Variants in CSGALNACT1 observed in about 807,000 individuals in gnomAD.
CSGALNACT1 encodes the protein chondroitin sulfate N-acetylgalactosaminyltransferase 1, also known as beta4GalNAcT-1.
In CSGALNACT1, 52 loss-of-function variants were observed where a neutral mutation model predicts 51.0. That is an observed-to-expected ratio of 1.02 (90% CI 0.82 to 1.29). CSGALNACT1 has a LOEUF of 1.29. Ranked by LOEUF, CSGALNACT1 falls within the 50% of genes most tolerant of loss-of-function variation. The pLI is 0.00. For synonymous variants in CSGALNACT1, 341 were observed against 254.4 expected (o/e 1.34, Z -3.24); for missense variants, 935 against 679.2 (o/e 1.38, Z -4.19).
upstream of CSGALNACT1, chr8:19,602,857 G>C (rs1296865643): frequency 6.6e-6 from 1 of 151,984 alleles, no homozygotes; most frequent in African/African-American, 2.4e-5. Context: ...TGTCAATAAT[G>C]TTGTCTTCAA....
chr8:19,573,106 C>T (rs1208527808), intron 3 of CSGALNACT1, among the ~76,000 whole-genome samples: 1 of 152,288 alleles, frequency 6.6e-6, no homozygotes, highest in Non-Finnish European at 1.5e-5. Context: ...GGATACACTC[C>T]CATGGCGGTA....
rs114371079 is a variant in CSGALNACT1 at position 19,612,588 on chromosome 8, G to A, written c.-543-10723C>T. Among the ~76,000 whole-genome samples the A allele has an allele frequency of 8.9e-3, 1,360 of 152,016 alleles. 22 individuals are homozygous for A. Among genetic ancestry groups the A allele is most frequent in the African/African-American group, 0.031 (1,271 of 41,450 alleles). On this transcript the variant is annotated intron_variant, in intron 1 of 9. Coordinates refer to the CSGALNACT1 transcript ENST00000332246. ...TAGGCACTCTAACCATCTTTTTCAC[G>A]TGATAAGCACGCAAGAGTTAATTTG...
intron 9 of CSGALNACT1, among the ~76,000 whole-genome samples, chr8:19,407,512 C>G (rs1160780509): frequency 2.0e-5 from 3 of 152,178 alleles, no homozygotes; most frequent in Non-Finnish European, 2.9e-5. Context: ...GCAACTCTAT[C>G]TCTTTCGAGA....
upstream of CSGALNACT1, chr8:19,682,953 T>C (rs1399051938): frequency 3.3e-6 from 1 of 306,204 alleles, no homozygotes; most frequent in Non-Finnish European, 6.6e-6. Context: ...GCTAGTTCAC[T>C]TCGCTGCAGT....
chr8:19,474,869 G>GAAAAAAAAA (rs10683237), intron 4 of CSGALNACT1, among the ~76,000 whole-genome samples: 8 of 86,160 alleles, frequency 9.3e-5, no homozygotes, highest in Admixed American at 1.7e-4. Context: ...CTCTGTCTCA[G>GAAAAAAAAA]AAAAAAAAAA....
At chr8:19,739,613 A>G (rs36082703) in intron 1 of CSGALNACT1, among the ~76,000 whole-genome samples, 219 of 152,342 alleles carry the variant, frequency 1.4e-3, no homozygotes, top group Middle Eastern at 6.8e-3. Flanking sequence ...TAGGTGGGGC[A>G]TCCCAAAAGT....
chr8:19,748,488 C>T (rs1409900115), intron 1 of CSGALNACT1, among the ~76,000 whole-genome samples: 4 of 152,208 alleles, frequency 2.6e-5, no homozygotes, highest in Middle Eastern at 3.2e-3. Flanking sequence ...CTTCCCAATG[C>T]TCCTTGACAC....
intron 4 of CSGALNACT1, among the ~76,000 whole-genome samples, chr8:19,495,597 A>C (rs1200960396): frequency 1.3e-5 from 2 of 152,192 alleles, no homozygotes; most frequent in African/African-American, 4.8e-5. Context: ...CTAAGTCACT[A>C]CTGATGGGTC....
chr8:19,650,115 T>C (rs1302571647), intron 1 of CSGALNACT1, among the ~76,000 whole-genome samples: 1 of 152,104 alleles, frequency 6.6e-6, no homozygotes, highest in Non-Finnish European at 1.5e-5. Flanking sequence ...TGCTCTGGGG[T>C]GAGACTCAGA....
intron 1 of CSGALNACT1, among the ~76,000 whole-genome samples, chr8:19,749,779 C>A (rs1441597602): frequency 6.6e-6 from 1 of 152,178 alleles, no homozygotes; most frequent in Non-Finnish European, 1.5e-5. Context: ...TCTCCTGTGA[C>A]AATAGCTACC....
intron 3 of CSGALNACT1, among the ~76,000 whole-genome samples, chr8:19,543,355 G>C (rs748797480): frequency 1.2e-4 from 19 of 152,208 alleles, no homozygotes; most frequent in Non-Finnish European, 8.8e-5. Context: ...TCCTTAGAAA[G>C]TCCTGCAAGA....
At chr8:19,513,451 T>C (rs1209914454) in intron 3 of CSGALNACT1, among the ~76,000 whole-genome samples, 1 of 143,422 alleles carries the variant, frequency 7.0e-6, no homozygotes, top group Non-Finnish European at 1.5e-5. Flanking sequence ...TATATATATA[T>C]ATATATATAT....
intron 4 of CSGALNACT1, among the ~76,000 whole-genome samples, chr8:19,458,866 G>A (rs1208677254): frequency 6.6e-6 from 1 of 152,106 alleles, no homozygotes; most frequent in Non-Finnish European, 1.5e-5. Context: ...AAAAACATGG[G>A]AAAAAGCTTG....
intron 3 of CSGALNACT1, among the ~76,000 whole-genome samples, chr8:19,529,819 A>G (rs894410569): frequency 6.6e-6 from 1 of 152,186 alleles, no homozygotes; most frequent in African/African-American, 2.4e-5. Context: ...TATACTTTAA[A>G]TCATCTCTAC....
At chr8:19,715,087 C>T (rs1022974022) in intron 1 of CSGALNACT1, among the ~76,000 whole-genome samples, 2 of 152,150 alleles carry the variant, frequency 1.3e-5, no homozygotes, top group East Asian at 3.9e-4. Flanking sequence ...GCCTCAGAAT[C>T]ATGGTGGGAG....
chr8:19,710,603 T>C (rs1220322347), intron 1 of CSGALNACT1, among the ~76,000 whole-genome samples: 1 of 152,186 alleles, frequency 6.6e-6, no homozygotes, highest in Non-Finnish European at 1.5e-5. Flanking sequence ...TAGGGAGTGG[T>C]CCACGAGTTC....
At chr8:19,716,210 G>A (rs1297683888) in intron 1 of CSGALNACT1, among the ~76,000 whole-genome samples, 1 of 151,926 alleles carries the variant, frequency 6.6e-6, no homozygotes, top group African/African-American at 2.4e-5. Flanking sequence ...TGTCTTCTAG[G>A]GGAGACACAG....
At chr8:19,530,438 T>C (rs1171109029) in intron 3 of CSGALNACT1, among the ~76,000 whole-genome samples, 1 of 152,180 alleles carries the variant, frequency 6.6e-6, no homozygotes, top group Non-Finnish European at 1.5e-5. Flanking sequence ...TTAACATAGA[T>C]GAGTAACAGA....
Position 19,667,036 on chromosome 8 carries a change from GAAGGAAGAAAGAAAGA to G in CSGALNACT1, c.-544+15421_-544+15436del, listed in dbSNP as rs1664341749. ...GAAAGAAAGGAAGGAAGGAAGGAAG[GAAGGAAGAAAGAAAGA>G]AAGAAAGAAAGAAAGAAAGAAAGAA... is the stretch of plus-strand genomic sequence containing the variant. On this transcript the variant is annotated intron_variant, in intron 1 of 9. Coordinates refer to the CSGALNACT1 transcript ENST00000332246. Among the ~76,000 whole-genome samples the G allele has an allele frequency of 3.9e-4, 11 of 28,488 alleles. 1 individual carries two copies. In the East Asian group the frequency reaches 5.5e-3, roughly 14 times the overall value. The allele number at this position is 28,488 out of a possible 152,430, so 18.7% of individuals were successfully genotyped here.
Sources: gnomAD v4.1 joint callset for allele counts (sites outside exome capture counted in the v4.1 genomes callset) on GRCh38, gnomAD v4.1.1 for gene constraint, MANE v1.5 for transcripts, NCBI Gene and HGNC (gene_info 2026-07-23, HGNC 2026-07-21) for gene names.